The following ABI3BP variants were observed in gnomAD, a reference collection of about 807,000 sequenced individuals.
The protein encoded by ABI3BP is target of Nesh-SH3.
A neutral mutation model predicts 268.6 loss-of-function variants in ABI3BP; 216 were observed. That is an observed-to-expected ratio of 0.80 (90% CI 0.72 to 0.90). ABI3BP has a LOEUF of 0.90. Ranked by LOEUF, ABI3BP falls within the 40% of genes least tolerant of loss-of-function variation. The pLI is 0.00. For synonymous variants in ABI3BP, 730 were observed against 730.0 expected (o/e 1.00, Z 0.00); for missense variants, 2,090 against 2,182.4 (o/e 0.96, Z 0.84).
chr3:100,895,714 A>C lies in ABI3BP; in HGVS notation c.461+3048T>G, dbSNP rs1199441181. On this transcript the variant is annotated intron_variant, in intron 4 of 67. Coordinates refer to ENST00000471714, the MANE Select transcript of ABI3BP (RefSeq NM_001375547.2). ...CTGTATTAATCTTCCAATTTTCAGA[A>C]TATAACCATCATTTTTAGCTATTAT... 2.0e-5 allele frequency among the ~76,000 whole-genome samples: 3 copies of C among 152,218 alleles called. No individual in the cohort carries two copies. In the East Asian group the frequency reaches 5.8e-4, roughly 29 times the overall value.
intron 4 of ABI3BP, among the ~76,000 whole-genome samples, chr3:100,896,684 TA>T (rs1197778049): frequency 6.6e-6 from 1 of 152,118 alleles, no homozygotes; most frequent in Non-Finnish European, 1.5e-5. Flanking sequence ...GAGCAATCCA[TA>T]AGTGTTTATT....
At chr3:100,923,566 C>T (rs935153637) in intron 2 of ABI3BP, among the ~76,000 whole-genome samples, 1 of 152,050 alleles carries the variant, frequency 6.6e-6, no homozygotes, top group Admixed American at 6.6e-5. Flanking sequence ...AAAACCCAAC[C>T]AACAAACACT....
chr3:100,812,124 C>T (rs370661383), intron 46 of ABI3BP, among the ~76,000 whole-genome samples: 3 of 151,794 alleles, frequency 2.0e-5, no homozygotes, highest in East Asian at 3.9e-4. Context: ...TAGAAACACA[C>T]ATAGAATGAG....
chr3:100,881,812 A>T (rs1323938627), intron 6 of ABI3BP, among the ~76,000 whole-genome samples: 1 of 152,158 alleles, frequency 6.6e-6, no homozygotes, highest in Non-Finnish European at 1.5e-5. Flanking sequence ...TTCTAGAGGT[A>T]TAGGTAGGAG....
chr3:100,947,011 C>T (rs925306326), intron 1 of ABI3BP, among the ~76,000 whole-genome samples: 1 of 152,010 alleles, frequency 6.6e-6, no homozygotes, highest in African/African-American at 2.4e-5. Flanking sequence ...TAACCAAATG[C>T]TTCAGTTGGG....
chr3:100,794,568 A>G (rs1029373108), intron 54 of ABI3BP, among the ~76,000 whole-genome samples: 1 of 151,910 alleles, frequency 6.6e-6, no homozygotes. Context: ...CTAGATAAGT[A>G]ATTTTTCTTC....
intron 61 of ABI3BP, among the ~76,000 whole-genome samples, chr3:100,773,268 A>AATT (rs2096604088): frequency 6.6e-6 from 1 of 152,174 alleles, no homozygotes. Flanking sequence ...AGATTCTCAA[A>AATT]ATTCAACATT....
chr3:100,912,601 T>C (rs2057146197), intron 2 of ABI3BP, among the ~76,000 whole-genome samples: 1 of 152,148 alleles, frequency 6.6e-6, no homozygotes, highest in Non-Finnish European at 1.5e-5. Flanking sequence ...TTGTCGATTC[T>C]GATTTGCATC....
intron 19 of ABI3BP, 132 bp from the exon 20 acceptor site, chr3:100,846,578 G>A: frequency 1.7e-6 from 1 of 586,196 alleles, no homozygotes; most frequent in Non-Finnish European, 2.9e-6. Flanking sequence ...GAAGATTTTG[G>A]AAATATTCCA....
intron 32 of ABI3BP, 82 bp downstream of exon 32, chr3:100,830,496 G>T: frequency 1.7e-6 from 2 of 1,183,742 alleles, no homozygotes; most frequent in East Asian, 2.6e-5. Context: ...TGTGAAGCGG[G>T]AGAAGCTGTG....
chr3:100,911,858 C>A (rs567027962), intron 2 of ABI3BP: 1 of 1,600,094 alleles, frequency 6.2e-7, no homozygotes, highest in East Asian at 2.2e-5. Flanking sequence ...TCTCTCTAAA[C>A]GTCATGATCT....
chr3:100,816,375 C>T (rs894321331), intron 43 of ABI3BP: 3 of 494,376 alleles, frequency 6.1e-6, no homozygotes, highest in Non-Finnish European at 1.1e-5. Flanking sequence ...AAATGGATCA[C>T]ATGTTTCAAT....
At chr3:100,857,716 G>T (rs762742216) in intron 14 of ABI3BP, among the ~76,000 whole-genome samples, 8 of 152,172 alleles carry the variant, frequency 5.3e-5, no homozygotes, top group Non-Finnish European at 1.0e-4. Flanking sequence ...TATTAGGAAA[G>T]AAATGAATGA....
At chr3:100,923,887 G>A (rs1305682155) in intron 2 of ABI3BP, among the ~76,000 whole-genome samples, 1 of 152,130 alleles carries the variant, frequency 6.6e-6, no homozygotes, top group Non-Finnish European at 1.5e-5. Context: ...ATTTTATTGT[G>A]AGAGACCAGG....
intron 62 of ABI3BP, among the ~76,000 whole-genome samples, chr3:100,767,589 A>ATTT: frequency 6.6e-6 from 1 of 151,648 alleles, no homozygotes; most frequent in African/African-American, 2.4e-5. Context: ...AATGCAAGTA[A>ATTT]AATTGATTAA....
At position 100,951,810 on chromosome 3, in the gene ABI3BP, T is replaced by C. The variant is rs369438406; in HGVS notation, c.80-25329A>G. 1.4e-4 allele frequency among the ~76,000 whole-genome samples: 21 copies of C among 151,856 alleles called. No individual in the cohort carries two copies. The East Asian group carries it at 2.3e-3, about 17-fold the overall frequency. On this transcript the variant is annotated intron_variant, in intron 1 of 67. Coordinates refer to ENST00000471714, the MANE Select transcript of ABI3BP (RefSeq NM_001375547.2). ...AAAGGCTAAACTTCTAATTAAAGAG[T>C]GAGTTTTCTTCTTTTCCTTCTCCTT...
intron 20 of ABI3BP, chr3:100,843,769 C>T: frequency 1.0e-6 from 1 of 982,200 alleles, no homozygotes; most frequent in Non-Finnish European, 1.2e-6. Flanking sequence ...GCATTCATAC[C>T]TGAAGATAGC....
chr3:100,882,552 C>CA (rs1181915074), intron 6 of ABI3BP, among the ~76,000 whole-genome samples: 4 of 151,628 alleles, frequency 2.6e-5, no homozygotes, highest in Non-Finnish European at 5.9e-5. Flanking sequence ...TTGGAAATAA[C>CA]AAAGAGTTTT....
chr3:100,771,078 T>C, intron 61 of ABI3BP, 126 bp from the exon 62 acceptor site: 1 of 830,062 alleles, frequency 1.2e-6, no homozygotes, highest in Non-Finnish European at 1.7e-6. Context: ...AAAGCCATGA[T>C]GTGGATGGTT....
Sources: allele counts gnomAD v4.1 joint callset (sites outside exome capture counted in the v4.1 genomes callset), GRCh38; gene constraint gnomAD v4.1.1; transcripts MANE v1.5; gene names NCBI Gene and HGNC (gene_info 2026-07-23, HGNC 2026-07-21).